TTC29: variants seen among roughly 807,000 people sequenced by gnomAD.
The protein encoded by TTC29 is tetratricopeptide repeat protein 29.
TTC29 carries 49 observed loss-of-function variants against 58.1 expected under a neutral mutation model. The observed-to-expected ratio is 0.84, with a 90% CI of 0.67 to 1.07. The LOEUF (loss-of-function observed/expected upper bound fraction) is 1.07. Among genes scored for constraint, TTC29 ranks in the 50% least tolerant of loss-of-function variants. The pLI, the probability that TTC29 is intolerant of heterozygous loss-of-function variation, is 0.00. For synonymous variants in TTC29, 209 were observed against 196.8 expected (o/e 1.06, Z -0.52); for missense variants, 582 against 555.6 (o/e 1.05, Z -0.48).
intron 4 of TTC29, among the ~76,000 whole-genome samples, chr4:146,935,039 T>C (rs1459462192): frequency 6.6e-6 from 1 of 151,730 alleles, no homozygotes; most frequent in Non-Finnish European, 1.5e-5. Context: ...AAAGTTTGAG[T>C]AGAAATGAAT....
chr4:146,895,604 G>C (rs1282115789), intron 6 of TTC29, among the ~76,000 whole-genome samples: 1 of 152,154 alleles, frequency 6.6e-6, no homozygotes, highest in Non-Finnish European at 1.5e-5. Context: ...GCCTGTACGA[G>C]AGCCTGAACT....
At chr4:146,746,848 T>C (rs928357007) in intron 11 of TTC29, among the ~76,000 whole-genome samples, 2 of 152,142 alleles carry the variant, frequency 1.3e-5, no homozygotes, top group African/African-American at 4.8e-5. Flanking sequence ...CCTGTAGTGC[T>C]CTTCCCTCCC....
intron 4 of TTC29, among the ~76,000 whole-genome samples, chr4:146,931,556 T>C (rs987319674): frequency 6.6e-6 from 1 of 152,188 alleles, no homozygotes; most frequent in African/African-American, 2.4e-5. Context: ...CAGGTAACCT[T>C]AAGACAATAC....
rs116764554 is a variant in TTC29 at position 146,891,651 on chromosome 4, G to T, written c.586+11893C>A. Among the ~76,000 whole-genome samples the T allele has an allele frequency of 1.7e-3, 252 of 152,270 alleles. 2 individuals are homozygous for T. The highest frequency in any genetic ancestry group is 5.8e-3 in the African/African-American group (241 of 41,560). On this transcript the variant is annotated intron_variant, in intron 6 of 12. Transcript: ENST00000325106. ...ATTGGGTGGTGACAAGGATTACAGG[G>T]ACTTTTGATGTTGATATTACTCCTT...
chr4:146,897,228 T>C (rs1732827906), intron 6 of TTC29, among the ~76,000 whole-genome samples: 1 of 152,170 alleles, frequency 6.6e-6, no homozygotes, highest in Non-Finnish European at 1.5e-5. Flanking sequence ...GCACTCCTTA[T>C]GCATAATTTG....
rs1176179595 is a variant in TTC29 at position 146,874,945 on chromosome 4, A to T, written c.587-17T>A. 1 of 1,603,550 alleles carries T rather than the reference A, an allele frequency of 6.2e-7. No homozygotes were observed. Among genetic ancestry groups the T allele is most frequent in the Non-Finnish European group, 8.5e-7 (1 of 1,171,490 alleles). The stretch of plus-strand genomic sequence containing the variant: ...GAAGCTGACCTGGAGAATAAAAGCC[A>T]TTCATAAGTATAAACCAGAGGACGG... On this transcript the variant is annotated splice_polypyrimidine_tract_variant and intron_variant, in intron 6 of 12. Coordinates refer to ENST00000325106, the MANE Select transcript of TTC29 (RefSeq NM_031956.4).
intron 11 of TTC29, among the ~76,000 whole-genome samples, chr4:146,787,835 C>T (rs937671897): frequency 5.3e-5 from 8 of 151,658 alleles, no homozygotes; most frequent in Non-Finnish European, 1.2e-4. Flanking sequence ...CCAACAATTG[C>T]TGTGTTTCCC....
intron 11 of TTC29, among the ~76,000 whole-genome samples, chr4:146,746,867 C>G (rs1353372280): frequency 6.6e-6 from 1 of 152,034 alleles, no homozygotes; most frequent in Non-Finnish European, 1.5e-5. Context: ...CCTCCTCCAC[C>G]CCCTAAAAAG....
chr4:146,755,380 T>A (rs977150665), intron 11 of TTC29, among the ~76,000 whole-genome samples: 1 of 152,182 alleles, frequency 6.6e-6, no homozygotes, highest in Non-Finnish European at 1.5e-5. Context: ...ATCTTAAAAT[T>A]TGTGTGGAAG....
chr4:146,840,057 C>T (rs757469298), intron 8 of TTC29, among the ~76,000 whole-genome samples: 6 of 151,856 alleles, frequency 4.0e-5, no homozygotes, highest in East Asian at 1.9e-4. Flanking sequence ...AGACAGTGTG[C>T]GGCAGGAAAA....
At chr4:146,748,986 C>A (rs1249416997) in intron 11 of TTC29, among the ~76,000 whole-genome samples, 2 of 151,942 alleles carry the variant, frequency 1.3e-5, no homozygotes, top group African/African-American at 2.4e-5. Flanking sequence ...CTAATGAAAT[C>A]AAAAAAATAA....
intron 11 of TTC29, among the ~76,000 whole-genome samples, chr4:146,782,848 T>C (rs1284743226): frequency 6.6e-6 from 1 of 152,012 alleles, no homozygotes; most frequent in African/African-American, 2.4e-5. Flanking sequence ...TTATTTTATT[T>C]AAGTTAACCA....
At chr4:146,771,937 T>C (rs1023361755) in intron 11 of TTC29, among the ~76,000 whole-genome samples, 4 of 152,214 alleles carry the variant, frequency 2.6e-5, no homozygotes, top group Non-Finnish European at 4.4e-5. Context: ...TTTTTAATAA[T>C]AGCCATTCTG....
chr4:146,764,660 C>T (rs2150066723), intron 11 of TTC29, among the ~76,000 whole-genome samples: 1 of 152,158 alleles, frequency 6.6e-6, no homozygotes, highest in African/African-American at 2.4e-5. Flanking sequence ...GTATCATTTG[C>T]TTCTATTTCA....
At chr4:146,770,907 C>T (rs1561108721) in intron 11 of TTC29, among the ~76,000 whole-genome samples, 2 of 152,094 alleles carry the variant, frequency 1.3e-5, no homozygotes, top group Admixed American at 1.3e-4. Flanking sequence ...ACTTATAATA[C>T]ATTTGTAAGA....
At chr4:146,774,181 C>T (rs763213556) in intron 11 of TTC29, among the ~76,000 whole-genome samples, 1 of 152,102 alleles carries the variant, frequency 6.6e-6, no homozygotes, top group Non-Finnish European at 1.5e-5. Flanking sequence ...AAAACCAACT[C>T]CTGGATTCAT....
intron 11 of TTC29, among the ~76,000 whole-genome samples, chr4:146,737,601 G>T (rs1053866883): frequency 3.4e-5 from 5 of 147,854 alleles, no homozygotes; most frequent in South Asian, 2.3e-4. Context: ...GGGGGGGGGG[G>T]GGCTACAAAC....
At chr4:146,918,953 T>C (rs1169639790) in intron 4 of TTC29, among the ~76,000 whole-genome samples, 1 of 151,236 alleles carries the variant, frequency 6.6e-6, no homozygotes, top group Non-Finnish European at 1.5e-5. Context: ...TCACAAAAAG[T>C]AACTGCCTTT....
At chr4:146,939,995 T>G in intron 2 of TTC29, 94 bp from the exon 3 acceptor site, 1 of 1,213,888 alleles carries the variant, frequency 8.2e-7, no homozygotes, top group Non-Finnish European at 1.1e-6. Context: ...TCTGTCATCT[T>G]AGTTGAGAAT....
Sources: allele counts gnomAD v4.1 joint callset (sites outside exome capture counted in the v4.1 genomes callset), GRCh38; gene constraint gnomAD v4.1.1; transcripts MANE v1.5; gene names NCBI Gene and HGNC (gene_info 2026-07-23, HGNC 2026-07-21).